The following FNDC3B variants were observed in gnomAD, a reference collection of about 807,000 sequenced individuals.
The protein encoded by FNDC3B is fibronectin type III domain-containing protein 3B.
A neutral mutation model predicts 151.5 loss-of-function variants in FNDC3B; 12 were observed. The ratio of observed to expected loss-of-function variants is 0.08; its 90% CI spans 0.05 to 0.13. The LOEUF (loss-of-function observed/expected upper bound fraction) is 0.13. FNDC3B is among the 10% of genes least tolerant of loss of function. The pLI is 1.00. For missense variants in FNDC3B, 1,214 were observed against 1,505.3 expected (o/e 0.81, Z 3.20); for synonymous variants, 528 against 549.0 (o/e 0.96, Z 0.54).
chr3:172,151,372 A>G (rs1722210357), intron 3 of FNDC3B, among the ~76,000 whole-genome samples: 1 of 152,198 alleles, frequency 6.6e-6, no homozygotes, highest in Non-Finnish European at 1.5e-5. Flanking sequence ...TACATAACCC[A>G]GTTCAGCAAT....
chr3:172,339,172 TAA>T (rs1733155728), intron 16 of FNDC3B, among the ~76,000 whole-genome samples: 1 of 152,210 alleles, frequency 6.6e-6, no homozygotes, highest in South Asian at 2.1e-4. Context: ...GGAATTTTTT[TAA>T]GTCTGTTGGT....
intron 3 of FNDC3B, among the ~76,000 whole-genome samples, chr3:172,172,529 A>T (rs539685918): frequency 6.6e-6 from 1 of 152,200 alleles, no homozygotes; most frequent in African/African-American, 2.4e-5. Flanking sequence ...TTCCTGGGGG[A>T]AGGAGCATAT....
At chr3:172,275,612 C>T (rs1381880789) in intron 6 of FNDC3B, among the ~76,000 whole-genome samples, 1 of 152,216 alleles carries the variant, frequency 6.6e-6, no homozygotes, top group Non-Finnish European at 1.5e-5. Flanking sequence ...AATGGAAAAG[C>T]TTGTAATACC....
chr3:172,183,955 T>C (rs1051940898), intron 3 of FNDC3B, among the ~76,000 whole-genome samples: 1 of 152,222 alleles, frequency 6.6e-6, no homozygotes, highest in Non-Finnish European at 1.5e-5. Flanking sequence ...CTATGCCAGG[T>C]ACATGGCTAG....
intron 1 of FNDC3B, among the ~76,000 whole-genome samples, chr3:172,079,100 C>T (rs1205466668): frequency 1.3e-5 from 2 of 151,980 alleles, no homozygotes; most frequent in East Asian, 3.9e-4. Context: ...TGTTGGTTGA[C>T]CTAGTTTGAT....
chr3:172,216,351 T>G (rs1725974676), intron 3 of FNDC3B, among the ~76,000 whole-genome samples: 1 of 152,172 alleles, frequency 6.6e-6, no homozygotes, highest in Admixed American at 6.5e-5. Flanking sequence ...CAAAGAAAGA[T>G]GGGATCTTAG....
intron 9 of FNDC3B, among the ~76,000 whole-genome samples, chr3:172,306,353 T>A (rs1301361206): frequency 6.6e-6 from 1 of 152,210 alleles, no homozygotes; most frequent in Non-Finnish European, 1.5e-5. Context: ...TGTGTGGCCT[T>A]GGGAAATGTA....
intron 6 of FNDC3B, among the ~76,000 whole-genome samples, chr3:172,282,856 A>C (rs1729808758): frequency 6.6e-6 from 1 of 152,204 alleles, no homozygotes; most frequent in Non-Finnish European, 1.5e-5. Flanking sequence ...GAGAAATCAC[A>C]TCTACTCTCT....
At chr3:172,053,863 T>G (rs914918685) in intron 1 of FNDC3B, among the ~76,000 whole-genome samples, 23 of 152,040 alleles carry the variant, frequency 1.5e-4, no homozygotes, top group African/African-American at 5.6e-4. Flanking sequence ...TTCTCTGTAG[T>G]AGCAACTTAA....
chr3:172,286,199 T>G (rs1730007914), intron 7 of FNDC3B, among the ~76,000 whole-genome samples: 1 of 152,304 alleles, frequency 6.6e-6, no homozygotes, highest in East Asian at 1.9e-4. Context: ...CTGAAATGTC[T>G]TCTTTATTTA....
rs189577683 is a variant in FNDC3B, at chr3:172,254,915, G to A, written c.790+3374G>A. Among the ~76,000 whole-genome samples, 408 of 152,218 alleles carry A rather than the reference G, an allele frequency of 2.7e-3. 1 individual carries two copies. The highest frequency in any genetic ancestry group is 4.6e-3 in the Non-Finnish European group (313 of 67,990). ...TTCCCTGAATTTCCATGTTCACTTT[G>A]TAAAATGGGCATTTTAATTTCCATT... On this transcript the variant is annotated intron_variant, in intron 6 of 25. Transcript: ENST00000415807.
chr3:172,227,194 ATTGT>A (rs1443775813), intron 4 of FNDC3B: 3 of 359,786 alleles, frequency 8.3e-6, no homozygotes, highest in Non-Finnish European at 1.5e-5. Flanking sequence ...TTTATATTTG[ATTGT>A]TTGGTTGTGA....
chr3:172,356,769 T>C (rs1227683622), intron 22 of FNDC3B, among the ~76,000 whole-genome samples: 1 of 152,174 alleles, frequency 6.6e-6, no homozygotes, highest in Non-Finnish European at 1.5e-5. Flanking sequence ...ATGATTATTC[T>C]CTTCTTTCAT....
chr3:172,324,322 C>T (rs1217356677), intron 11 of FNDC3B, among the ~76,000 whole-genome samples: 3 of 152,012 alleles, frequency 2.0e-5, no homozygotes, highest in African/African-American at 7.3e-5. Context: ...GACAAAACAC[C>T]CTCGTCCCTG....
chr3:172,139,977 G>A (rs1021554920), intron 3 of FNDC3B, among the ~76,000 whole-genome samples: 4 of 152,136 alleles, frequency 2.6e-5, no homozygotes, highest in African/African-American at 4.8e-5. Flanking sequence ...CATTTCTTTA[G>A]TATTTGGTGG....
intron 4 of FNDC3B, among the ~76,000 whole-genome samples, chr3:172,242,923 A>G (rs1158779308): frequency 2.0e-5 from 3 of 152,198 alleles, no homozygotes; most frequent in African/African-American, 7.2e-5. Context: ...AACAGCACCC[A>G]GGTCACCTCT....
intron 3 of FNDC3B, among the ~76,000 whole-genome samples, chr3:172,147,018 G>C (rs554876531): frequency 1.3e-5 from 2 of 152,160 alleles, no homozygotes; most frequent in South Asian, 2.1e-4. Flanking sequence ...TAAAAAGTGA[G>C]ATGAGAAGGC....
chr3:172,263,092 AATATAT>A (rs35820918), intron 6 of FNDC3B, among the ~76,000 whole-genome samples: 1 of 145,346 alleles, frequency 6.9e-6, no homozygotes, highest in Non-Finnish European at 1.5e-5. Flanking sequence ...AATATATATA[AATATAT>A]ATATATATAT....
At chr3:172,200,006 C>CATTCATTG (rs1264272718) in intron 3 of FNDC3B, among the ~76,000 whole-genome samples, 3 of 149,332 alleles carry the variant, frequency 2.0e-5, no homozygotes, top group East Asian at 3.9e-4. Context: ...ACTTTGTATT[C>CATTCATTG]ATTCATTCAT....
Sources: gnomAD v4.1 joint callset for allele counts (sites outside exome capture counted in the v4.1 genomes callset) on GRCh38, gnomAD v4.1.1 for gene constraint, MANE v1.5 for transcripts, NCBI Gene and HGNC (gene_info 2026-07-23, HGNC 2026-07-21) for gene names.